Variants in SEPTIN7 observed in about 807,000 individuals in gnomAD.
The protein encoded by SEPTIN7 is septin-7.
SEPTIN7 carries 10 observed loss-of-function variants against 63.3 expected under a neutral mutation model. The observed-to-expected ratio is 0.16, with a 90% CI of 0.10 to 0.27. The LOEUF is 0.27. Ranked by LOEUF, SEPTIN7 falls within the 10% of genes least tolerant of loss-of-function variation. The pLI, the probability that SEPTIN7 is intolerant of heterozygous loss-of-function variation, is 1.00. For missense variants in SEPTIN7, 310 were observed against 521.0 expected, an observed-to-expected ratio of 0.59 and a Z score of 3.94; for synonymous variants, 131 against 165.3, an observed-to-expected ratio of 0.79 and a Z score of 1.59.
intron 6 of SEPTIN7, among the ~76,000 whole-genome samples, chr7:35,878,424 A>G (rs1490097055): frequency 2.0e-5 from 3 of 152,166 alleles, no homozygotes; most frequent in Non-Finnish European, 4.4e-5. Context: ...CAGGAATGCT[A>G]AGAGATGAGG....
At chr7:35,909,432 G>A (rs1788699793), downstream of SEPTIN7, among the ~76,000 whole-genome samples, 1 of 152,180 alleles carries the variant, frequency 6.6e-6, no homozygotes. Context: ...CTCCATTCAG[G>A]TATGATTGGC....
chr7:35,879,982 A>G, intron 7 of SEPTIN7, 42 bp downstream of exon 7: 2 of 1,136,762 alleles, frequency 1.8e-6, no homozygotes, highest in Non-Finnish European at 1.3e-6. Context: ...TACCGTTCTC[A>G]TAATTTGCAG....
Position 35,889,397 on chromosome 7 carries a change from A to T in SEPTIN7, c.873-1271A>T, listed in dbSNP as rs553169321. ...AGGACTAAGGGGAGTCAACTATCAG[A>T]GAATTGCATGGAAATGTCAGTACGA... On this transcript the variant is annotated intron_variant, in intron 10 of 13. Coordinates refer to ENST00000350320, the MANE Select transcript of SEPTIN7 (RefSeq NM_001788.6). Among the ~76,000 whole-genome samples, 23 of 152,340 alleles carry T rather than the reference A, an allele frequency of 1.5e-4. No homozygotes were observed. The South Asian group carries it at 4.3e-3, about 29-fold the overall frequency.
intron 4 of SEPTIN7, among the ~76,000 whole-genome samples, chr7:35,864,948 T>C (rs1339625034): frequency 2.0e-5 from 3 of 152,144 alleles, no homozygotes; most frequent in African/African-American, 4.8e-5. Flanking sequence ...AGATGCAGTT[T>C]AGTAACTAGA....
chr7:35,893,604 TC>T (rs1299658316), intron 11 of SEPTIN7, among the ~76,000 whole-genome samples: 1 of 152,154 alleles, frequency 6.6e-6, no homozygotes, highest in Non-Finnish European at 1.5e-5. Context: ...TCAGAATGTA[TC>T]CCCGTTGTTA....
intron 11 of SEPTIN7, among the ~76,000 whole-genome samples, chr7:35,891,862 T>G (rs1261791509): frequency 6.6e-6 from 1 of 152,216 alleles, no homozygotes; most frequent in Non-Finnish European, 1.5e-5. Context: ...TGAACAGATG[T>G]AGAAAGATAT....
the SEPTIN7 span, among the ~76,000 whole-genome samples, chr7:35,915,099 G>A: frequency 0.94 from 143,419 of 152,070 alleles, 68,109 homozygotes; most frequent in East Asian, 1. Context: ...ATATGCGTAT[G>A]TACACAGGTG....
intron 1 of SEPTIN7, among the ~76,000 whole-genome samples, chr7:35,811,218 T>TA (rs1428823205): frequency 6.6e-6 from 1 of 152,112 alleles, no homozygotes; most frequent in African/African-American, 2.4e-5. Context: ...TATATTTTTT[T>TA]AAAAAATAAG....
chr7:35,870,018 A>T (rs528928781), intron 4 of SEPTIN7, among the ~76,000 whole-genome samples: 8 of 152,178 alleles, frequency 5.3e-5, no homozygotes, highest in Non-Finnish European at 7.3e-5. Flanking sequence ...TTGGACTTCA[A>T]CTAATTTGTT....
At chr7:35,842,852 ATTC>A (rs1219671537) in intron 3 of SEPTIN7, among the ~76,000 whole-genome samples, 1 of 152,148 alleles carries the variant, frequency 6.6e-6, no homozygotes, top group African/African-American at 2.4e-5. Flanking sequence ...CCTCAAGGAT[ATTC>A]TGCTATATAG....
At chr7:35,837,834 C>T (rs2115931355) in intron 3 of SEPTIN7, among the ~76,000 whole-genome samples, 1 of 152,212 alleles carries the variant, frequency 6.6e-6, no homozygotes, top group Non-Finnish European at 1.5e-5. Context: ...CAGGTTCAGG[C>T]AGTTCTCCTG....
intron 7 of SEPTIN7, among the ~76,000 whole-genome samples, chr7:35,881,342 G>A (rs1037179989): frequency 6.6e-6 from 1 of 151,736 alleles, no homozygotes; most frequent in Admixed American, 6.6e-5. Context: ...TAAAAAAGAT[G>A]AATATGAAGT....
At position 35,801,375 on chromosome 7, in the gene SEPTIN7, A is replaced by G. The variant is rs1787954495; in HGVS notation, c.61+105A>G. The G allele has an allele frequency of 5.1e-6, 7 of 1,379,236 alleles. No individual in the cohort carries two copies. In the East Asian group the frequency reaches 2.2e-4, roughly 43 times the overall value. The allele number at this position is 1,379,236 out of a possible 1,614,324, so 85.4% of individuals were successfully genotyped here. ...TAGGGAACGCCCTGAGGCGAGGCGG[A>G]GGCAGCGGCGAGGGGAGCCGGGATG... On this transcript the variant is annotated intron_variant, in intron 1 of 13. Transcript: ENST00000350320.
chr7:35,827,554 G>T (rs1325298618), intron 1 of SEPTIN7, among the ~76,000 whole-genome samples: 2 of 152,010 alleles, frequency 1.3e-5, no homozygotes, highest in Non-Finnish European at 2.9e-5. Flanking sequence ...GCAGTGGCGC[G>T]ATCTCCACTC....
In SEPTIN7 at chr7:35,904,287, C is replaced by T. The variant is rs1211043739; in HGVS notation, c.1308C>T (p.Ile436=). ...TLEKNKKKGK[I]F ...AAAAGAACAAGAAGAAAGGGAAGATCTTTTAAACTCTCTATTGACCACCAG... is the reference window on the plus strand; with the variant it reads ...AAAAGAACAAGAAGAAAGGGAAGATTTTTTAAACTCTCTATTGACCACCAG... Residue 436 remains isoleucine, a synonymous_variant, in exon 14 of 14, where the codon ATC becomes ATT. Transcript: ENST00000350320. 6.4e-7 allele frequency: 1 copy of T among 1,562,080 alleles called. No homozygotes were observed. The highest frequency in any genetic ancestry group is 1.4e-5 in the African/African-American group (1 of 73,666).
intron 11 of SEPTIN7, 110 bp downstream of exon 11, chr7:35,890,903 G>C (rs761127609): frequency 4.6e-5 from 43 of 942,366 alleles, no homozygotes; most frequent in Non-Finnish European, 5.8e-5. Flanking sequence ...TTTGGATAAT[G>C]TTCTTTATGC....
At chr7:35,888,939 T>G (rs1787461668) in intron 10 of SEPTIN7, 1 of 298,158 alleles carries the variant, frequency 3.4e-6, no homozygotes, top group African/African-American at 2.2e-5. Flanking sequence ...AAAGTGTTTA[T>G]CATATCTCAG....
At chr7:35,807,779 T>C (rs1235856661) in intron 1 of SEPTIN7, among the ~76,000 whole-genome samples, 1 of 151,640 alleles carries the variant, frequency 6.6e-6, no homozygotes, top group Non-Finnish European at 1.5e-5. Context: ...ATTACAGGTG[T>C]GAGCCACCGC....
chr7:35,825,638 C>T (rs1425533422), intron 1 of SEPTIN7, among the ~76,000 whole-genome samples: 1 of 152,066 alleles, frequency 6.6e-6, no homozygotes, highest in African/African-American at 2.4e-5. Context: ...CTATTAGATT[C>T]TTAGCTTCTT....
Sources: allele counts gnomAD v4.1 joint callset (sites outside exome capture counted in the v4.1 genomes callset), GRCh38; gene constraint gnomAD v4.1.1; transcripts MANE v1.5; gene names NCBI Gene and HGNC (gene_info 2026-07-23, HGNC 2026-07-21).